Variants in DCC observed in about 807,000 individuals in gnomAD.
DCC encodes DCC netrin 1 receptor.
Under a neutral mutation model 172.5 loss-of-function variants are expected in DCC, and 58 were observed. That is an observed-to-expected ratio of 0.34 (90% confidence interval 0.27 to 0.42). DCC has a LOEUF of 0.42. DCC is among the 10% of genes least tolerant of loss of function. The pLI is 1.00. For synonymous variants in DCC, 709 were observed against 644.5 expected (o/e 1.10, Z -1.52); for missense variants, 1,740 against 1,791.0 (o/e 0.97, Z 0.51).
At chr18:52,844,776 G>C (rs920981420) in intron 2 of DCC, among the ~76,000 whole-genome samples, 7 of 149,136 alleles carry the variant, frequency 4.7e-5, no homozygotes, top group Admixed American at 2.6e-4. Context: ...CCAGTCTTGT[G>C]AACTTAGAGA....
Position 53,459,415 on chromosome 18 carries a change from C to G in DCC, c.3576C>G (p.Ser1192Arg). ...SCQDLTPVSHSQSETQLGSKS... is the reference protein window; with the variant it reads ...SCQDLTPVSHRQSETQLGSKS... Reference sequence around the variant, plus strand: ...AAGACCTCACACCAGTCAGCCACAGCCAGTCAGAAACCCAACTGGGAAGCA... The same window carrying G: ...AAGACCTCACACCAGTCAGCCACAGGCAGTCAGAAACCCAACTGGGAAGCA... Residue 1192 changes from serine (S) to arginine (R), a missense_variant, in exon 24 of 29, where the codon AGC (serine) becomes AGG (arginine). Coordinates refer to ENST00000442544, the MANE Select transcript of DCC (RefSeq NM_005215.4). 2.5e-6 allele frequency: 4 copies of G among 1,613,838 alleles called. No individual in the cohort carries two copies. In the East Asian group the frequency reaches 8.9e-5, roughly 36 times the overall value.
chr18:53,321,452 A>G (rs892076372), intron 13 of DCC, among the ~76,000 whole-genome samples: 2 of 152,178 alleles, frequency 1.3e-5, no homozygotes, highest in African/African-American at 4.8e-5. Flanking sequence ...GTGCGTTTTG[A>G]AATAAGCCCT....
At chr18:53,091,281 AAG>A (rs2043004884) in intron 7 of DCC, among the ~76,000 whole-genome samples, 1 of 149,002 alleles carries the variant, frequency 6.7e-6, no homozygotes, top group African/African-American at 2.5e-5. Context: ...ATAAACATCA[AAG>A]AGAATAACAT....
At chr18:52,549,294 G>A (rs2032698781) in intron 1 of DCC, among the ~76,000 whole-genome samples, 2 of 151,910 alleles carry the variant, frequency 1.3e-5, no homozygotes, top group Non-Finnish European at 1.5e-5. Flanking sequence ...CTGGAGATAC[G>A]GACATTCTAG....
intron 22 of DCC, among the ~76,000 whole-genome samples, chr18:53,437,344 G>T (rs182531664): frequency 6.6e-6 from 1 of 152,180 alleles, no homozygotes; most frequent in Admixed American, 6.5e-5. Context: ...ACTTTGGGAG[G>T]CCGAGGCGGG....
chr18:53,319,862 T>G (rs1041215708), intron 13 of DCC, among the ~76,000 whole-genome samples: 1 of 90,784 alleles, frequency 1.1e-5, no homozygotes, highest in African/African-American at 4.6e-5. Context: ...CAACTACATA[T>G]GGACTTATTC....
intron 1 of DCC, among the ~76,000 whole-genome samples, chr18:52,520,322 T>C (rs2031773045): frequency 6.6e-6 from 1 of 152,224 alleles, no homozygotes; most frequent in Non-Finnish European, 1.5e-5. Flanking sequence ...CCGAACCCTG[T>C]AGCATAAGTG....
At chr18:52,354,186 G>A (rs546515556) in intron 1 of DCC, among the ~76,000 whole-genome samples, 23 of 152,170 alleles carry the variant, frequency 1.5e-4, no homozygotes, top group Non-Finnish European at 2.9e-4. Flanking sequence ...ACAGGAAGAA[G>A]GACTTTCAGT....
chr18:52,977,381 G>A lies in DCC; in HGVS notation c.985+52011G>A, dbSNP rs118015771. The stretch of plus-strand genomic sequence containing the variant: ...GGTCTGTGACATGTCCTGCCCATGA[G>A]GACATTTAAAAAGATCCCAGGGTGA... On this transcript the variant is annotated intron_variant, in intron 5 of 28. Coordinates refer to ENST00000442544, the MANE Select transcript of DCC (RefSeq NM_005215.4). Among the ~76,000 whole-genome samples the A allele has an allele frequency of 2.0e-5, 3 of 152,198 alleles. 1 individual carries two copies. In the East Asian group the frequency reaches 5.8e-4, roughly 29 times the overall value.
intron 27 of DCC, among the ~76,000 whole-genome samples, chr18:53,523,557 A>G (rs1598847375): frequency 6.6e-6 from 1 of 152,180 alleles, no homozygotes; most frequent in South Asian, 2.1e-4. Flanking sequence ...GCACATATAT[A>G]CCATGGAATA....
At chr18:53,222,669 A>AAC (rs10638170) in intron 12 of DCC, among the ~76,000 whole-genome samples, 20,806 of 151,954 alleles carry the variant, frequency 0.14, 2,317 homozygotes, top group African/African-American at 0.31. Flanking sequence ...TACAGGCGTG[A>AAC]ACCACCACGC....
intron 1 of DCC, among the ~76,000 whole-genome samples, chr18:52,669,685 T>G (rs2144966047): frequency 6.6e-6 from 1 of 152,284 alleles, no homozygotes; most frequent in East Asian, 1.9e-4. Context: ...CTAGAAATAG[T>G]TATTGAGTTC....
intron 1 of DCC, among the ~76,000 whole-genome samples, chr18:52,509,105 G>A (rs967173749): frequency 4.6e-5 from 7 of 152,122 alleles, no homozygotes; most frequent in African/African-American, 1.2e-4. Context: ...TTTTTCAACT[G>A]TAAATTTTAT....
intron 1 of DCC, among the ~76,000 whole-genome samples, chr18:52,489,321 T>C (rs368563239): frequency 1.3e-5 from 2 of 152,230 alleles, no homozygotes; most frequent in East Asian, 1.9e-4. Context: ...AGGCAAAGAT[T>C]CATATTTTAA....
rs112215013 is a variant in DCC, at chr18:53,324,313, T to C, written c.2164+2156T>C. On this transcript the variant is annotated intron_variant, in intron 14 of 28. Transcript: ENST00000442544. ...TAATAGCTTAGAAAACTTTCATTCA[T>C]GTGTTTATTCAACTTACATTTCTTA... Among the ~76,000 whole-genome samples the C allele has an allele frequency of 5.6e-3, 851 of 152,336 alleles. 6 individuals are homozygous for C. The highest frequency in any genetic ancestry group is 0.024 in the Admixed American group (374 of 15,298).
chr18:52,997,673 G>T (rs1182268504), intron 5 of DCC, among the ~76,000 whole-genome samples: 7 of 152,046 alleles, frequency 4.6e-5, no homozygotes, highest in African/African-American at 1.7e-4. Context: ...TGTTCTACAG[G>T]TAAAAACAAA....
intron 1 of DCC, among the ~76,000 whole-genome samples, chr18:52,582,279 GTTA>G (rs775923415): frequency 4.0e-4 from 61 of 152,264 alleles, no homozygotes; most frequent in Admixed American, 6.5e-4. Context: ...CTATTTATGT[GTTA>G]TTAGAAAATG....
At chr18:52,902,867 C>T (rs10502956) in intron 2 of DCC, among the ~76,000 whole-genome samples, 59,721 of 152,066 alleles carry the variant, frequency 0.39, 12,303 homozygotes, top group Non-Finnish European at 0.47. Context: ...TATAATTTCT[C>T]ACTATGACAA....
chr18:53,424,059 A>G (rs1473029083), intron 21 of DCC, among the ~76,000 whole-genome samples: 1 of 152,190 alleles, frequency 6.6e-6, no homozygotes, highest in Non-Finnish European at 1.5e-5. Context: ...ATCACCTACT[A>G]AAATAAATGC....
Sources: allele counts gnomAD v4.1 joint callset (sites outside exome capture counted in the v4.1 genomes callset), GRCh38; gene constraint gnomAD v4.1.1; transcripts MANE v1.5; gene names NCBI Gene and HGNC (gene_info 2026-07-23, HGNC 2026-07-21).